Variants in GSAP observed in about 807,000 individuals in gnomAD.
GSAP encodes the protein gamma-secretase-activating protein.
Under a neutral mutation model 131.7 loss-of-function variants are expected in GSAP, and 118 were observed. The observed-to-expected ratio is 0.90, with a 90% confidence interval of 0.77 to 1.04. The LOEUF (loss-of-function observed/expected upper bound fraction) is 1.04. Among genes scored for constraint, GSAP ranks in the 50% least tolerant of loss-of-function variants. GSAP has a pLI of 0.00. For synonymous variants in GSAP, 381 were observed against 363.4 expected (o/e 1.05, Z -0.55); for missense variants, 1,019 against 1,013.2 (o/e 1.01, Z -0.08).
At position 77,382,630 on chromosome 7, in the gene GSAP, T is replaced by C; in HGVS notation, c.470A>G (p.His157Arg). The C allele has an allele frequency of 1.9e-6, 3 of 1,547,712 alleles. No individual in the cohort carries two copies. The highest frequency in any genetic ancestry group is 1.4e-5 in the African/African-American group (1 of 73,702). Residue 157 changes from histidine (H) to arginine (R), a missense_variant, in exon 7 of 31, where the codon CAT (histidine) becomes CGT (arginine). By Grantham distance (29) the His-to-Arg change is conservative. Coordinates refer to ENST00000257626, the MANE Select transcript of GSAP (RefSeq NM_017439.4). ...SYIWVQFLYP[H>R]IESHPLPENH... The stretch of plus-strand genomic sequence containing the variant: ...CTCTGGAAGAGGATGACTTTCAATA[T>C]GTGGGTAGAGAAACTGTAAAAAAGA...
chr7:77,383,403 T>C (rs1420396651), intron 6 of GSAP, among the ~76,000 whole-genome samples: 2 of 152,130 alleles, frequency 1.3e-5, no homozygotes, highest in East Asian at 3.9e-4. Context: ...GCCAAGTAAA[T>C]ATATTCCCCA....
chr7:77,377,237 TAAAAAAAA>T (rs533755073), intron 9 of GSAP, 41 bp downstream of exon 9: 36 of 894,468 alleles, frequency 4.0e-5, no homozygotes, highest in South Asian at 1.0e-4. Context: ...AATATTTTTG[TAAAAAAAA>T]AAAAAAAAAA....
At chr7:77,348,701 A>C (rs1328091894) in intron 19 of GSAP, among the ~76,000 whole-genome samples, 2 of 152,192 alleles carry the variant, frequency 1.3e-5, no homozygotes, top group Non-Finnish European at 2.9e-5. Context: ...TTAACTACAT[A>C]CATATCCTTT....
At chr7:77,365,898 G>GTTTTTTTT (rs35007328) in intron 12 of GSAP, among the ~76,000 whole-genome samples, 90 of 115,564 alleles carry the variant, frequency 7.8e-4, no homozygotes, top group African/African-American at 9.4e-4. Flanking sequence ...GCAACTGTGG[G>GTTTTTTTT]TTTTTTTTTT....
intron 26 of GSAP, among the ~76,000 whole-genome samples, chr7:77,318,556 T>C (rs75936923): frequency 0.091 from 13,880 of 152,118 alleles, 783 homozygotes; most frequent in Non-Finnish European, 0.11. Context: ...CAATAATAAA[T>C]CCATTCATGT....
upstream of GSAP, chr7:77,416,538 CGGCGGGTAGCGGTGG>C (rs1804504648): frequency 2.5e-6 from 1 of 393,996 alleles, no homozygotes; most frequent in Admixed American, 4.6e-5. Context: ...GAGCCGGGCA[CGGCGGGTAGCGGTGG>C]GGCGGGGTGG....
At chr7:77,403,040 A>C (rs1801650100) in intron 3 of GSAP, among the ~76,000 whole-genome samples, 1 of 152,204 alleles carries the variant, frequency 6.6e-6, no homozygotes, top group African/African-American at 2.4e-5. Flanking sequence ...TCCTACTGTC[A>C]AGTGCTCACA....
In GSAP at chr7:77,416,298, G is replaced by C; in HGVS notation, c.24C>G (p.Asp8Glu). The change falls in exon 1 of 31, where the codon GAC becomes GAG. Residue 8 changes from aspartate to glutamate, a missense_variant. Transcript: ENST00000257626. MALRLVA[D>E]FDLGKDVLPW... ...GGAGCACGTCCTTCCCGAGGTCGAA[G>C]TCGGCGACCAGGCGAAGAGCCATCG... The C allele has an allele frequency of 6.7e-7, 1 of 1,496,792 alleles. No homozygotes were observed. The highest frequency in any genetic ancestry group is 8.9e-7 in the Non-Finnish European group (1 of 1,124,782). The allele number at this position is 1,496,792 out of a possible 1,614,324, so 92.7% of individuals were successfully genotyped here. A position where few individuals can be genotyped will look rare whatever the true frequency, so the allele number is the denominator to read the frequency against.
At chr7:77,345,399 C>T (rs1248253440) in intron 19 of GSAP, among the ~76,000 whole-genome samples, 1 of 152,184 alleles carries the variant, frequency 6.6e-6, no homozygotes, top group African/African-American at 2.4e-5. Context: ...GCTGCCCCAA[C>T]ACTTCAATGC....
At chr7:77,364,457 G>T (rs934701923) in intron 12 of GSAP, among the ~76,000 whole-genome samples, 1 of 145,016 alleles carries the variant, frequency 6.9e-6, no homozygotes, top group Non-Finnish European at 1.5e-5. Context: ...TCACTCATAG[G>T]TGGAAACTGA....
chr7:77,357,924 C>T lies in GSAP; in HGVS notation c.1028-2277G>A, dbSNP rs559607609. Among the ~76,000 whole-genome samples, 16 of 152,314 alleles carry T rather than the reference C, an allele frequency of 1.1e-4. No homozygotes were observed. The East Asian group carries it at 2.9e-3, about 28-fold the overall frequency. On this transcript the variant is annotated intron_variant, in intron 14 of 30. Coordinates refer to ENST00000257626, the MANE Select transcript of GSAP (RefSeq NM_017439.4). ...TTGTTACAGCAACAATAAACTAATA[C>T]AGGATATGCTAACTAGCCTGATTTG...
At chr7:77,399,979 C>T (rs1037348071) in intron 3 of GSAP, among the ~76,000 whole-genome samples, 2 of 152,102 alleles carry the variant, frequency 1.3e-5, no homozygotes, top group Non-Finnish European at 2.9e-5. Flanking sequence ...AACACACACC[C>T]ATGCTCTCTA....
At chr7:77,329,870 G>A (rs979051165) in intron 20 of GSAP, 13 of 168,778 alleles carry the variant, frequency 7.7e-5, no homozygotes, top group East Asian at 6.9e-4. Flanking sequence ...AGTGAGTCAC[G>A]TCCACTATTC....
chr7:77,353,496 C>A, intron 17 of GSAP, 76 bp downstream of exon 17: 2 of 855,238 alleles, frequency 2.3e-6, no homozygotes, highest in South Asian at 2.8e-5. Flanking sequence ...TTGAGGCATT[C>A]ACTATCAATT....
intron 12 of GSAP, among the ~76,000 whole-genome samples, chr7:77,370,262 A>G (rs1795925507): frequency 6.6e-6 from 1 of 152,172 alleles, no homozygotes; most frequent in African/African-American, 2.4e-5. Context: ...GTTCGAGACC[A>G]GCGTGGCCAA....
At chr7:77,396,620 G>C (rs1800438978) in intron 5 of GSAP, among the ~76,000 whole-genome samples, 1 of 152,074 alleles carries the variant, frequency 6.6e-6, no homozygotes, top group Non-Finnish European at 1.5e-5. Context: ...TACTTACAAT[G>C]TGTTAGGTAT....
chr7:77,367,582 A>C (rs1264122820), intron 12 of GSAP, among the ~76,000 whole-genome samples: 2 of 152,120 alleles, frequency 1.3e-5, no homozygotes, highest in African/African-American at 4.8e-5. Flanking sequence ...TAGCTTTTTG[A>C]CATGTTATTG....
intron 1 of GSAP, among the ~76,000 whole-genome samples, chr7:77,415,024 A>C (rs753777449): frequency 6.6e-6 from 1 of 151,942 alleles, no homozygotes; most frequent in Non-Finnish European, 1.5e-5. Context: ...CGCCCAGCTA[A>C]TTTTTGTATA....
intron 7 of GSAP, 83 bp from the exon 8 acceptor site, chr7:77,381,437 T>A (rs1797791871): frequency 1.5e-6 from 1 of 655,448 alleles, no homozygotes; most frequent in African/African-American, 1.9e-5. Context: ...GTAAAAACAT[T>A]GTTATAAAAG....
Sources: gnomAD v4.1 joint callset for allele counts (sites outside exome capture counted in the v4.1 genomes callset) on GRCh38, gnomAD v4.1.1 for gene constraint, MANE v1.5 for transcripts, NCBI Gene and HGNC (gene_info 2026-07-23, HGNC 2026-07-21) for gene names.